AGBL1: variants seen among roughly 807,000 people sequenced by gnomAD.
The protein encoded by AGBL1 is cytosolic carboxypeptidase 4.
In AGBL1, 130 loss-of-function variants were observed where a neutral mutation model predicts 118.9. The observed-to-expected ratio is 1.09, with a 90% CI of 0.95 to 1.26. The LOEUF is 1.26. Among genes scored for constraint, AGBL1 ranks in the 50% most tolerant of loss-of-function variants. AGBL1 has a pLI of 0.00. For synonymous variants in AGBL1, 555 were observed against 478.9 expected, an observed-to-expected ratio of 1.16 and a Z score of -2.08; for missense variants, 1,584 against 1,298.1, an observed-to-expected ratio of 1.22 and a Z score of -3.38.
intron 22 of AGBL1, among the ~76,000 whole-genome samples, chr15:86,712,685 T>C (rs1195365360): frequency 1.3e-5 from 2 of 152,180 alleles, no homozygotes; most frequent in African/African-American, 4.8e-5. Flanking sequence ...GGCTATTCTA[T>C]TAGTCCTGGG....
At chr15:86,224,987 C>T (rs747181268) in intron 6 of AGBL1, 36 bp downstream of exon 6, 2 of 1,604,370 alleles carry the variant, frequency 1.2e-6, no homozygotes, top group East Asian at 2.2e-5. Context: ...TATTTCTCTC[C>T]ACTCTGGGTT....
chr15:86,212,752 C>T (rs761397407), intron 5 of AGBL1, among the ~76,000 whole-genome samples: 7 of 152,260 alleles, frequency 4.6e-5, no homozygotes, highest in South Asian at 2.1e-4. Flanking sequence ...CAGGTTCAAG[C>T]GATTCTTCTG....
At chr15:86,862,384 T>C (rs1353768371) in intron 22 of AGBL1, among the ~76,000 whole-genome samples, 2 of 152,204 alleles carry the variant, frequency 1.3e-5, no homozygotes, top group African/African-American at 2.4e-5. Flanking sequence ...ACCTATAAGA[T>C]TGGATATTTA....
intron 22 of AGBL1, among the ~76,000 whole-genome samples, chr15:86,777,277 C>T (rs998005396): frequency 6.6e-6 from 1 of 151,900 alleles, no homozygotes; most frequent in Non-Finnish European, 1.5e-5. Flanking sequence ...AAAATATTGA[C>T]ATTTCGTTAA....
At chr15:86,216,842 C>G (rs984910369) in intron 5 of AGBL1, among the ~76,000 whole-genome samples, 9 of 152,174 alleles carry the variant, frequency 5.9e-5, no homozygotes, top group African/African-American at 2.2e-4. Flanking sequence ...TCATCTCAGT[C>G]CTGCTCCACT....
At chr15:86,325,592 C>T (rs1468468606) in intron 17 of AGBL1, among the ~76,000 whole-genome samples, 2 of 152,156 alleles carry the variant, frequency 1.3e-5, no homozygotes, top group Non-Finnish European at 2.9e-5. Flanking sequence ...CTGCTGCCAG[C>T]CTGGCATTGT....
intron 3 of AGBL1, among the ~76,000 whole-genome samples, chr15:86,152,793 C>T (rs1237509392): frequency 6.6e-6 from 1 of 152,098 alleles, no homozygotes; most frequent in Non-Finnish European, 1.5e-5. Context: ...CCAAAGTCTA[C>T]AAAGAACTCA....
chr15:86,917,711 G>T (rs567586473), downstream of AGBL1, among the ~76,000 whole-genome samples: 4 of 152,232 alleles, frequency 2.6e-5, no homozygotes, highest in East Asian at 7.7e-4. The surrounding 1 kb of genome is among the most constrained non-coding windows in gnomAD (Gnocchi z 4.8). Context: ...ATGAAAAGCT[G>T]CTCTGCTGTG....
At chr15:86,999,227 T>TA (rs1020651356) in intron 24 of AGBL1, among the ~76,000 whole-genome samples, 1 of 151,140 alleles carries the variant, frequency 6.6e-6, no homozygotes, top group African/African-American at 2.4e-5. Context: ...TATATATATA[T>TA]TTTTTATTAT....
In AGBL1 at chr15:86,223,637, G is replaced by A. The variant is rs916153432; in HGVS notation, c.489-1277G>A. 3.3e-5 allele frequency among the ~76,000 whole-genome samples: 5 copies of A among 152,198 alleles called. No homozygotes were observed. In the East Asian group the frequency reaches 9.7e-4, roughly 29 times the overall value. Reference sequence around the variant, plus strand: ...TAGTCCATCCATGAAAGCTAGCCTCGCCCTCTTTTAACTGCCCTATGGTCA... The same window carrying A: ...TAGTCCATCCATGAAAGCTAGCCTCACCCTCTTTTAACTGCCCTATGGTCA... On this transcript the variant is annotated intron_variant, in intron 5 of 22. Coordinates refer to ENST00000614907, the MANE Select transcript of AGBL1 (RefSeq NM_001386094.1).
intron 22 of AGBL1, among the ~76,000 whole-genome samples, chr15:86,690,809 C>G (rs1195547657): frequency 1.3e-5 from 2 of 152,064 alleles, no homozygotes; most frequent in Admixed American, 1.3e-4. Flanking sequence ...TGTCCAATAG[C>G]ATGGGTGCTG....
intron 16 of AGBL1, among the ~76,000 whole-genome samples, chr15:86,288,672 G>GA (rs1380542672): frequency 6.6e-6 from 1 of 151,742 alleles, no homozygotes; most frequent in Non-Finnish European, 1.5e-5. Context: ...GAATATTTGA[G>GA]AAAAAATTAA....
intron 1 of AGBL1, among the ~76,000 whole-genome samples, chr15:86,093,698 C>T (rs1020818361): frequency 2.6e-5 from 4 of 152,156 alleles, no homozygotes; most frequent in Admixed American, 1.3e-4. Context: ...AATTGAAAAT[C>T]AGGTCATAAG....
chr15:86,917,122 C>T (rs1339979855), downstream of AGBL1, among the ~76,000 whole-genome samples: 5 of 152,088 alleles, frequency 3.3e-5, no homozygotes, highest in Non-Finnish European at 7.4e-5. The surrounding 1 kb of genome is among the most constrained non-coding windows in gnomAD (Gnocchi z 4.8). Flanking sequence ...GTTTAAAGTG[C>T]TGTTGGAAGG....
At chr15:86,468,163 C>T (rs775056667) in intron 18 of AGBL1, among the ~76,000 whole-genome samples, 2 of 152,178 alleles carry the variant, frequency 1.3e-5, no homozygotes, top group African/African-American at 2.4e-5. Context: ...CACACTAAGG[C>T]CTTGAAGAAA....
rs903295096 is a variant in AGBL1, at chr15:86,635,672, C to T, written c.2995-38601C>T. 1.2e-4 allele frequency among the ~76,000 whole-genome samples: 18 copies of T among 151,904 alleles called. No homozygotes were observed. In the East Asian group the frequency reaches 1.4e-3, roughly 12 times the overall value. On this transcript the variant is annotated intron_variant, in intron 21 of 22. Transcript: ENST00000614907. ...TGTGGGGCCTTCATCTAATAACATTCGGGAGTTCCTCTATAAGAAAAAGAT... is the reference window on the plus strand; with the variant it reads ...TGTGGGGCCTTCATCTAATAACATTTGGGAGTTCCTCTATAAGAAAAAGAT...
chr15:86,721,337 G>A (rs1208822565), intron 22 of AGBL1, among the ~76,000 whole-genome samples: 2 of 152,132 alleles, frequency 1.3e-5, no homozygotes, highest in Non-Finnish European at 2.9e-5. Context: ...ATGCAAGACT[G>A]GTTCAACATA....
At chr15:86,880,014 CT>C (rs1567221142) in intron 22 of AGBL1, among the ~76,000 whole-genome samples, 4 of 152,162 alleles carry the variant, frequency 2.6e-5, no homozygotes, top group African/African-American at 9.7e-5. Flanking sequence ...ATGTGTTAAC[CT>C]TGGCCTGAGA....
At chr15:86,712,969 C>G (rs1304296428) in intron 22 of AGBL1, among the ~76,000 whole-genome samples, 4 of 152,126 alleles carry the variant, frequency 2.6e-5, no homozygotes, top group Admixed American at 1.3e-4. Context: ...CCACCCCCTT[C>G]CTATGTGATA....
Sources: allele counts gnomAD v4.1 joint callset (sites outside exome capture counted in the v4.1 genomes callset), GRCh38; gene constraint gnomAD v4.1.1; non-coding constraint Gnocchi (gnomAD v3.1); transcripts MANE v1.5; gene names NCBI Gene and HGNC (gene_info 2026-07-23, HGNC 2026-07-21).